Variants in CRTAC1 observed in about 807,000 individuals in gnomAD.
CRTAC1 encodes acidic secreted protein in cartilage.
CRTAC1 carries 37 observed loss-of-function variants against 67.8 expected under a neutral mutation model. The observed-to-expected ratio is 0.55, with a 90% CI of 0.42 to 0.72. The LOEUF is 0.72. CRTAC1 is among the 30% of genes least tolerant of loss of function. The pLI is 0.00. For missense variants in CRTAC1, 780 were observed against 931.6 expected (o/e 0.84, Z 2.12); for synonymous variants, 348 against 371.0 (o/e 0.94, Z 0.71).
At chr10:97,982,180 G>A (rs1369263411) in intron 2 of CRTAC1, among the ~76,000 whole-genome samples, 1 of 152,198 alleles carries the variant, frequency 6.6e-6, no homozygotes, top group African/African-American at 2.4e-5. Context: ...GATAGCTAGT[G>A]TTAGAAGATG....
chr10:98,024,640 A>G (rs1843187660), intron 1 of CRTAC1, among the ~76,000 whole-genome samples: 1 of 152,174 alleles, frequency 6.6e-6, no homozygotes, highest in South Asian at 2.1e-4. Context: ...TGCTTCTTAC[A>G]AAGTCAACAT....
intron 7 of CRTAC1, among the ~76,000 whole-genome samples, chr10:97,903,998 G>C (rs568699278): frequency 1.3e-5 from 2 of 151,466 alleles, no homozygotes; most frequent in Non-Finnish European, 2.9e-5. Flanking sequence ...GGTCTAAAAA[G>C]CTGAGGCCTG....
At chr10:97,883,181 G>A (rs1293126250) in intron 12 of CRTAC1, among the ~76,000 whole-genome samples, 4 of 152,222 alleles carry the variant, frequency 2.6e-5, no homozygotes, top group Non-Finnish European at 5.9e-5. Context: ...GATGCTTTTT[G>A]AGGTGTCTGC....
At chr10:98,025,748 T>C (rs577399716) in intron 1 of CRTAC1, among the ~76,000 whole-genome samples, 8 of 152,314 alleles carry the variant, frequency 5.3e-5, no homozygotes, top group South Asian at 2.1e-4. Flanking sequence ...TGCAGGAGGC[T>C]CGGTGAGCAC....
chr10:97,984,810 A>AT (rs1199767334), intron 2 of CRTAC1, among the ~76,000 whole-genome samples: 24 of 152,318 alleles, frequency 1.6e-4, no homozygotes, highest in African/African-American at 5.8e-4. Context: ...TGAAAAGGAA[A>AT]TTGACTGGCA....
intron 2 of CRTAC1, among the ~76,000 whole-genome samples, chr10:97,973,864 C>T (rs2051754375): frequency 6.6e-6 from 1 of 150,898 alleles, no homozygotes; most frequent in African/African-American, 2.4e-5. Flanking sequence ...TGGATAGGCC[C>T]TAGGGGTTCA....
chr10:97,950,977 G>A (rs2051346100), intron 2 of CRTAC1, among the ~76,000 whole-genome samples: 1 of 152,192 alleles, frequency 6.6e-6, no homozygotes, highest in African/African-American at 2.4e-5. Context: ...AAGCTAGCTT[G>A]GGGGCCAGCT....
At chr10:98,018,544 C>T (rs1440024171) in intron 1 of CRTAC1, among the ~76,000 whole-genome samples, 3 of 152,136 alleles carry the variant, frequency 2.0e-5, no homozygotes, top group Non-Finnish European at 4.4e-5. Flanking sequence ...TTTTCTGTGG[C>T]CTCAGGACTT....
In CRTAC1 at chr10:98,029,521, G is replaced by GGCGGCGGCGGCGGCGGCGGCA. The variant is rs1843319079; in HGVS notation, c.24+927_24+928insTGCCGCCGCCGCCGCCGCCGC. On this transcript the variant is annotated intron_variant, in intron 1 of 14. Coordinates refer to ENST00000370597, the MANE Select transcript of CRTAC1 (RefSeq NM_018058.7). This position sits in a 1 kb window ranked among gnomAD's most constrained non-coding sequence, Gnocchi z 4.7. ...CGGCGGCGGCGGCGGCGGCGGCGGCGGCGGCGGCAGCAGCAGCAATATTCA... is the reference window on the plus strand; with the variant it reads ...CGGCGGCGGCGGCGGCGGCGGCGGCGGCGGCGGCGGCGGCGGCGGCAGCGGCGGCAGCAGCAGCAATATTCA... 7.3e-6 allele frequency among the ~76,000 whole-genome samples: 1 copy of GGCGGCGGCGGCGGCGGCGGCA among 136,622 alleles called. No individual in the cohort carries two copies. The highest frequency in any genetic ancestry group is 3.6e-5 in the African/African-American group (1 of 27,536). 89.6% of individuals were successfully genotyped at this position (136,622 alleles called of 152,430 possible).
intron 1 of CRTAC1, among the ~76,000 whole-genome samples, chr10:98,015,686 T>C (rs1294892656): frequency 6.6e-6 from 1 of 152,228 alleles, no homozygotes; most frequent in Non-Finnish European, 1.5e-5. Flanking sequence ...GTTGCAAAAT[T>C]TGATGAGCAG....
chr10:97,884,801 G>A (rs1257089304), intron 11 of CRTAC1, among the ~76,000 whole-genome samples: 1 of 152,248 alleles, frequency 6.6e-6, no homozygotes, highest in Admixed American at 6.5e-5. Flanking sequence ...AGTAAGGCCT[G>A]TGATAAGCAG....
Position 97,865,324 on chromosome 10 carries a change from C to T in CRTAC1, c.*224G>A, listed in dbSNP as rs116588961. On this transcript the variant is annotated 3_prime_UTR_variant, in exon 15 of 15. Coordinates refer to ENST00000370597, the MANE Select transcript of CRTAC1 (RefSeq NM_018058.7). ...GTCATTAGACCCACTGGAATGTAAG[C>T]GCCATCAGGGCAGCGACCCTGTCTG... 2,583 of 465,540 alleles carry T rather than the reference C, an allele frequency of 5.5e-3. 62 individuals carry two copies. Among genetic ancestry groups the T allele is most frequent in the African/African-American group, 0.043 (2,239 of 51,542 alleles). The allele number at this position is 465,540 out of a possible 1,614,324, so 28.8% of individuals were successfully genotyped here.
chr10:97,922,080 G>A (rs902531677), intron 4 of CRTAC1, among the ~76,000 whole-genome samples: 2 of 152,194 alleles, frequency 1.3e-5, no homozygotes, highest in South Asian at 4.1e-4. Flanking sequence ...TCCTGAACGG[G>A]TGAGATGGGA....
intron 11 of CRTAC1, among the ~76,000 whole-genome samples, chr10:97,885,198 A>G (rs1413287758): frequency 6.6e-6 from 1 of 152,184 alleles, no homozygotes; most frequent in Non-Finnish European, 1.5e-5. Flanking sequence ...ACTGAGCTCT[A>G]CATAATAACT....
intron 11 of CRTAC1, among the ~76,000 whole-genome samples, chr10:97,886,533 T>C (rs998427551): frequency 9.2e-5 from 14 of 152,242 alleles, no homozygotes; most frequent in Non-Finnish European, 1.6e-4. Context: ...TGGGTTTTGC[T>C]TTATCAAGCA....
chr10:97,983,516 G>A (rs955962824), intron 2 of CRTAC1, among the ~76,000 whole-genome samples: 21 of 148,120 alleles, frequency 1.4e-4, no homozygotes, highest in Non-Finnish European at 2.6e-4. Context: ...CCCTCATTGG[G>A]TTGTGCTCTT....
intron 3 of CRTAC1, among the ~76,000 whole-genome samples, chr10:97,934,007 C>T (rs1047290290): frequency 6.6e-6 from 1 of 152,176 alleles, no homozygotes; most frequent in Admixed American, 6.5e-5. Flanking sequence ...ATGCAACACT[C>T]TAAGAGCGTG....
At chr10:97,875,277 T>C (rs1334831387) in intron 14 of CRTAC1, among the ~76,000 whole-genome samples, 2 of 152,200 alleles carry the variant, frequency 1.3e-5, no homozygotes, top group African/African-American at 4.8e-5. Context: ...TATTCTGGGA[T>C]GGGTGTGAGT....
intron 2 of CRTAC1, among the ~76,000 whole-genome samples, chr10:97,957,627 T>A (rs1436799631): frequency 3.3e-5 from 5 of 152,194 alleles, no homozygotes; most frequent in African/African-American, 1.2e-4. Flanking sequence ...CTCACGTTCT[T>A]AACACAGTTT....
Sources: gnomAD v4.1 joint callset for allele counts (sites outside exome capture counted in the v4.1 genomes callset) on GRCh38, gnomAD v4.1.1 for gene constraint, Gnocchi (gnomAD v3.1) non-coding constraint, MANE v1.5 for transcripts, NCBI Gene and HGNC (gene_info 2026-07-23, HGNC 2026-07-21) for gene names.